The following SPON1 variants were observed in gnomAD, a reference collection of about 807,000 sequenced individuals.
The protein encoded by SPON1 is spondin-1.
SPON1 carries 52 observed loss-of-function variants against 111.7 expected under a neutral mutation model. The ratio of observed to expected loss-of-function variants is 0.47; its 90% confidence interval spans 0.37 to 0.59. The LOEUF (loss-of-function observed/expected upper bound fraction) is 0.59. Ranked by LOEUF, SPON1 falls within the 20% of genes least tolerant of loss-of-function variation. The probability of loss-of-function intolerance (pLI) is 0.00; values close to 1 mark genes in which losing one functional copy is unlikely to be tolerated. For synonymous variants in SPON1, 410 were observed against 395.8 expected, an observed-to-expected ratio of 1.04 and a Z score of -0.43; for missense variants, 957 against 1,068.5, an observed-to-expected ratio of 0.90 and a Z score of 1.46.
intron 5 of SPON1, among the ~76,000 whole-genome samples, chr11:14,111,572 A>C (rs1048749546): frequency 1.4e-4 from 21 of 152,252 alleles, no homozygotes; most frequent in African/African-American, 5.1e-4. Context: ...GCTGAAGCTA[A>C]CAGCATTTAT....
At chr11:14,220,620 T>C (rs1435210547) in intron 6 of SPON1, among the ~76,000 whole-genome samples, 1 of 152,198 alleles carries the variant, frequency 6.6e-6, no homozygotes, top group Non-Finnish European at 1.5e-5. Flanking sequence ...TAATATAGCA[T>C]CATAAAATAT....
chr11:14,013,742 C>T (rs1848423063), intron 2 of SPON1, among the ~76,000 whole-genome samples: 1 of 152,108 alleles, frequency 6.6e-6, no homozygotes, highest in African/African-American at 2.4e-5. Flanking sequence ...CTGCTGTATA[C>T]CAGGCTCTAG....
At chr11:14,024,005 GA>G (rs61433514) in intron 2 of SPON1, among the ~76,000 whole-genome samples, 2 of 145,198 alleles carry the variant, frequency 1.4e-5, no homozygotes, top group African/African-American at 2.5e-5. Flanking sequence ...CCATCTCAAA[GA>G]AAAAAAAAAA....
At chr11:14,206,224 TGCTCTGTCACCCAG>T (rs1361724241) in intron 6 of SPON1, among the ~76,000 whole-genome samples, 7 of 152,150 alleles carry the variant, frequency 4.6e-5, no homozygotes, top group Non-Finnish European at 2.9e-5. Flanking sequence ...GACTGAGTCT[TGCTCTGTCACCCAG>T]GCTGGAATGC....
intron 2 of SPON1, among the ~76,000 whole-genome samples, chr11:14,017,907 TTGTAA>T (rs1233703714): frequency 6.6e-6 from 1 of 152,218 alleles, no homozygotes; most frequent in Non-Finnish European, 1.5e-5. Context: ...TGTTACATCT[TTGTAA>T]TGTATTGATC....
chr11:14,006,295 G>C (rs374393991), intron 2 of SPON1, among the ~76,000 whole-genome samples: 10 of 152,060 alleles, frequency 6.6e-5, no homozygotes, highest in African/African-American at 2.4e-4. Context: ...ATTGTTTTTT[G>C]GTTTTTTTTG....
At chr11:14,059,128 T>G (rs1189526163) in intron 3 of SPON1, among the ~76,000 whole-genome samples, 5 of 152,184 alleles carry the variant, frequency 3.3e-5, no homozygotes, top group African/African-American at 1.2e-4. Context: ...TGCCCTGTTA[T>G]CAGTTGTGTG....
At chr11:14,178,183 G>A (rs1848199730) in intron 6 of SPON1, among the ~76,000 whole-genome samples, 1 of 152,050 alleles carries the variant, frequency 6.6e-6, no homozygotes. Flanking sequence ...AACACTTTGG[G>A]AGGCTGAGGC....
At chr11:14,072,442 T>C (rs540633984) in intron 3 of SPON1, among the ~76,000 whole-genome samples, 1 of 152,190 alleles carries the variant, frequency 6.6e-6, no homozygotes. Flanking sequence ...ATTGTCCCCC[T>C]ATTTACAGTA....
chr11:13,991,164 G>A (rs1174896533), intron 2 of SPON1, among the ~76,000 whole-genome samples: 4 of 152,174 alleles, frequency 2.6e-5, no homozygotes, highest in African/African-American at 9.6e-5. Flanking sequence ...ATCCTGAAAA[G>A]TGTTTTCCAA....
chr11:14,000,812 C>G (rs1848311710), intron 2 of SPON1, among the ~76,000 whole-genome samples: 2 of 152,238 alleles, frequency 1.3e-5, no homozygotes, highest in South Asian at 4.2e-4. Context: ...TGGGTTTTAC[C>G]TGAATCCCAA....
chr11:14,159,327 G>A (rs1282136665), intron 6 of SPON1, among the ~76,000 whole-genome samples: 2 of 152,042 alleles, frequency 1.3e-5, no homozygotes, highest in African/African-American at 2.4e-5. Flanking sequence ...AAACTGCAAT[G>A]AGCTATTATC....
intron 2 of SPON1, among the ~76,000 whole-genome samples, chr11:13,988,583 T>C (rs762757284): frequency 6.6e-6 from 1 of 152,222 alleles, no homozygotes; most frequent in Non-Finnish European, 1.5e-5. Flanking sequence ...TCCAACACTA[T>C]GTTGAATAGG....
At chr11:14,091,517 G>A (rs1011348523) in intron 5 of SPON1, among the ~76,000 whole-genome samples, 2 of 152,158 alleles carry the variant, frequency 1.3e-5, no homozygotes, top group Non-Finnish European at 2.9e-5. Flanking sequence ...GCGCAGCACC[G>A]GTGGGCCGGC....
intron 6 of SPON1, among the ~76,000 whole-genome samples, chr11:14,237,822 A>C (rs1848884327): frequency 6.6e-6 from 1 of 152,200 alleles, no homozygotes; most frequent in African/African-American, 2.4e-5. Flanking sequence ...TGTGGCTGTG[A>C]TATGCAGAAC....
rs782661541 is a variant in SPON1, at chr11:14,260,660, G to A, written c.1904G>A (p.Arg635Gln). The A allele has an allele frequency of 1.2e-5, 19 of 1,613,870 alleles. No individual in the cohort carries two copies. The highest frequency in any genetic ancestry group is 3.3e-5 in the South Asian group (3 of 91,090). The change falls in exon 14 of 16, where the codon CGA becomes CAA. Residue 635 changes from arginine to glutamine, a missense_variant. Physicochemically the swap from Arg to Gln is conservative, Grantham distance 43. Transcript: ENST00000576479. ...DCSVTCGKGM[R>Q]TRQRMLKSLA... The stretch of plus-strand genomic sequence containing the variant: ...AGCGTGACCTGCGGGAAGGGCATGC[G>A]AACCCGACAGCGGATGCTCAAGTCT...
intron 2 of SPON1, among the ~76,000 whole-genome samples, chr11:13,986,202 A>C (rs782762249): frequency 1.3e-5 from 2 of 152,174 alleles, no homozygotes; most frequent in East Asian, 1.9e-4. Flanking sequence ...CTGAAAGTCA[A>C]CAAGTCACCC....
intron 6 of SPON1, among the ~76,000 whole-genome samples, chr11:14,148,669 G>C (rs1847753179): frequency 6.6e-6 from 1 of 152,260 alleles, no homozygotes; most frequent in African/African-American, 2.4e-5. Flanking sequence ...AATGCTAGTG[G>C]CAACACAGGA....
At chr11:14,264,531 G>A (rs1420581733) in intron 15 of SPON1, among the ~76,000 whole-genome samples, 8 of 152,204 alleles carry the variant, frequency 5.3e-5, no homozygotes, top group African/African-American at 1.7e-4. Context: ...TTTGAAGCAT[G>A]AGGATCTCCT....
Sources: allele counts gnomAD v4.1 joint callset (sites outside exome capture counted in the v4.1 genomes callset), GRCh38; gene constraint gnomAD v4.1.1; transcripts MANE v1.5; gene names NCBI Gene and HGNC (gene_info 2026-07-23, HGNC 2026-07-21).